WDR90: variants seen among roughly 807,000 people sequenced by gnomAD.
WDR90 encodes the protein WD repeat-containing protein 90.
WDR90 carries 238 observed loss-of-function variants against 195.2 expected under a neutral mutation model. The ratio of observed to expected loss-of-function variants is 1.22; its 90% CI spans 1.10 to 1.36. WDR90 has a LOEUF of 1.36. Ranked by LOEUF, WDR90 falls within the 40% of genes most tolerant of loss-of-function variation. The pLI is 0.00. For synonymous variants in WDR90, 1,265 were observed against 1,052.4 expected (o/e 1.20, Z -3.91); for missense variants, 2,734 against 2,439.5 (o/e 1.12, Z -2.54).
chr16:665,910 C>G lies in WDR90; in HGVS notation c.4435-40C>G, dbSNP rs984163269. 7.7e-6 allele frequency: 12 copies of G among 1,563,304 alleles called. No individual in the cohort carries two copies. The African/African-American group carries it at 1.2e-4, about 16-fold the overall frequency. ...CTGGCCTGGGTGTGTGTCCTCAGGGCCCCTGTGAGTGCTGAAGTTTCCCCA... is the reference window on the plus strand; with the variant it reads ...CTGGCCTGGGTGTGTGTCCTCAGGGGCCCTGTGAGTGCTGAAGTTTCCCCA... On this transcript the variant is annotated intron_variant, in intron 35 of 40. Coordinates refer to ENST00000293879, the MANE Select transcript of WDR90 (RefSeq NM_145294.5).
At position 662,016 on chromosome 16, in the gene WDR90, CG is replaced by C. The variant is rs753139194; in HGVS notation, c.3992del (p.Gly1331AlafsTer44). On this transcript the variant is annotated frameshift_variant, in exon 32 of 41. Transcript: ENST00000293879. LOFTEE classifies it high-confidence loss of function. Reference sequence around the variant, plus strand: ...AGGTCTGTGTCTGGGACACGCGTGCCGGCCGCTGCTTCTTGTCCTGGGAGGC... The same window carrying C: ...AGGTCTGTGTCTGGGACACGCGTGCCGCCGCTGCTTCTTGTCCTGGGAGGC... ...GQVCVWDTRA[G>X]RCFLSWEADD... is the part of the protein sequence containing the mutation. The C allele has an allele frequency of 6.2e-7, 1 of 1,603,314 alleles. No homozygotes were observed. The highest frequency in any genetic ancestry group is 2.2e-5 in the East Asian group (1 of 44,900).
rs2037604006 is a variant in WDR90, at chr16:649,850, T to TCA, written c.100_101dup (p.Asp35ArgfsTer5). 1 of 1,580,388 alleles carries TCA rather than the reference T, an allele frequency of 6.3e-7. No individual in the cohort carries two copies. The highest frequency in any genetic ancestry group is 1.1e-5 in the South Asian group (1 of 87,920). On this transcript the variant is annotated frameshift_variant, in exon 2 of 41. Transcript: ENST00000293879. LOFTEE classifies it high-confidence loss of function. ...GCCAAGCAGGGGGACGTGGCCGTGG[T>TCA]CACGGTAGGCGGCCGGGGGCTCGCC...
chr16:662,447 A>T, intron 33 of WDR90, 116 bp downstream of exon 33: 4 of 1,332,592 alleles, frequency 3.0e-6, no homozygotes, highest in Non-Finnish European at 3.1e-6. Flanking sequence ...GCCGCCTGCT[A>T]GCCCCTCCAA....
intron 34 of WDR90, 110 bp from the exon 35 acceptor site, chr16:665,569 A>G (rs774337712): frequency 1.3e-6 from 2 of 1,560,080 alleles, no homozygotes; most frequent in Non-Finnish European, 1.8e-6. Flanking sequence ...GGCCAGAGGC[A>G]CATGCTCTGG....
chr16:652,603 G>A, intron 10 of WDR90, 68 bp downstream of exon 10: 1 of 1,473,438 alleles, frequency 6.8e-7, no homozygotes. Flanking sequence ...TACAGAACGG[G>A]GAGAGAGGAG....
chr16:666,038 G>C lies in WDR90; in HGVS notation c.4523G>C (p.Arg1508Pro), dbSNP rs373385178. Reference sequence around the variant, plus strand: ...GCTGGCTACGGTGACGGCTCCCTGCGCATCTTCAGCGTCTCCCGCACGGCC... The same window carrying C: ...GCTGGCTACGGTGACGGCTCCCTGCCCATCTTCAGCGTCTCCCGCACGGCC... ...LAAGYGDGSLRIFSVSRTAME... is the reference protein window; with the variant it reads ...LAAGYGDGSLPIFSVSRTAME... Residue 1508 changes from arginine to proline, a missense_variant, in exon 36 of 41, where the codon CGC becomes CCC. By Grantham distance (103) the Arg-to-Pro change is moderately radical. Transcript: ENST00000293879. 6.2e-7 allele frequency: 1 copy of C among 1,605,348 alleles called. No individual in the cohort carries two copies. The highest frequency in any genetic ancestry group is 1.1e-5 in the South Asian group (1 of 91,072).
At chr16:655,963 C>T in intron 17 of WDR90, 74 bp downstream of exon 17, 1 of 1,486,056 alleles carries the variant, frequency 6.7e-7, no homozygotes, top group Non-Finnish European at 9.1e-7. Context: ...GGCCCAGTCC[C>T]CGGGGCTCTG....
chr16:660,811 C>T (rs994890705), intron 28 of WDR90, 97 bp downstream of exon 28: 20 of 1,323,420 alleles, frequency 1.5e-5, no homozygotes, highest in South Asian at 1.1e-4. Context: ...GGCAAATGAG[C>T]GCCAGCCATC....
rs763209908 is a variant in WDR90 at position 658,965 on chromosome 16, G to A, written c.2965G>A (p.Ala989Thr). ...FSPDQQQVLSAGDAVFLWDVL... is the reference protein window; with the variant it reads ...FSPDQQQVLSTGDAVFLWDVL... ...TCCTGACCAGCAGCAGGTCCTCAGC[G>A]CAGGGGACGCCGTCTTCCTCTGGGA... Residue 989 changes from alanine to threonine, a missense_variant, in exon 24 of 41, where the codon GCA becomes ACA. Physicochemically the swap from Ala to Thr is moderately conservative, Grantham distance 58 (BLOSUM62 0). Coordinates refer to ENST00000293879, the MANE Select transcript of WDR90 (RefSeq NM_145294.5). 9.3e-6 allele frequency: 15 copies of A among 1,612,668 alleles called. No homozygotes were observed. The highest frequency in any genetic ancestry group is 2.2e-5 in the East Asian group (1 of 44,870).
In WDR90 at chr16:661,686, G is replaced by A. The variant is rs2037918496; in HGVS notation, c.3763G>A (p.Val1255Met). Residue 1255 changes from valine (V) to methionine (M), a missense_variant, in exon 31 of 41, where the codon GTG becomes ATG. Physicochemically the swap from Val to Met is conservative, Grantham distance 21 (BLOSUM62 1). Coordinates refer to ENST00000293879, the MANE Select transcript of WDR90 (RefSeq NM_145294.5). ...CCGCCTCCCGGAGCCGGTGCATGGT[G>A]TGGCCTTCAACCCCTGGGACGCCGG... is the stretch of plus-strand genomic sequence containing the variant. ...STRLPEPVHG[V>M]AFNPWDAGEL... 3 of 1,612,398 alleles carry A rather than the reference G, an allele frequency of 1.9e-6. No homozygotes were observed. Among genetic ancestry groups the A allele is most frequent in the Admixed American group, 1.7e-5 (1 of 59,988 alleles).
rs754210072 is a variant in WDR90, at chr16:662,017, G to A, written c.3991G>A (p.Gly1331Ser). ...GQVCVWDTRA[G>S]RCFLSWEADD... Reference sequence around the variant, plus strand: ...GGTCTGTGTCTGGGACACGCGTGCCGGCCGCTGCTTCTTGTCCTGGGAGGC... The same window carrying A: ...GGTCTGTGTCTGGGACACGCGTGCCAGCCGCTGCTTCTTGTCCTGGGAGGC... The change falls in exon 32 of 41, where the codon GGC becomes AGC. Residue 1331 changes from glycine (G) to serine (S), a missense_variant. By Grantham distance (56) the Gly-to-Ser change is moderately conservative. Transcript: ENST00000293879. 2.2e-5 allele frequency: 36 copies of A among 1,603,222 alleles called. No individual in the cohort carries two copies. The highest frequency in any genetic ancestry group is 1.3e-4 in the Admixed American group (8 of 59,984).
intron 26 of WDR90, among the ~76,000 whole-genome samples, chr16:659,626 C>T (rs1425983208): frequency 2.0e-5 from 3 of 152,078 alleles, no homozygotes; most frequent in East Asian, 1.9e-4. Context: ...ACCTTGTCCC[C>T]GTCAGATGAG....
rs1364779351 is a variant in WDR90 at position 651,860 on chromosome 16, C to G, written c.874C>G (p.Pro292Ala). 1 of 1,610,412 alleles carries G rather than the reference C, an allele frequency of 6.2e-7. No individual in the cohort carries two copies. The change falls in exon 9 of 41, where the codon CCG (proline) becomes GCG (alanine). Residue 292 changes from proline (P) to alanine (A), a missense_variant. Transcript: ENST00000293879. ...GRAALAPRPF[P>A]EVSLSQERSD... ...GGCCGCCTTGGCACCCAGGCCCTTC[C>G]CGGAGGTCAGCCTGTCCCAAGAGCG...
In WDR90 at chr16:657,295, T is replaced by A. The variant is rs6600229; in HGVS notation, c.2473+74T>A. ...CCTGGATCTGGTGCAGGCCCACACC[T>A]GGACACACATGCCGGTTTCCTGGTG... On this transcript the variant is annotated intron_variant, in intron 20 of 40. Coordinates refer to ENST00000293879, the MANE Select transcript of WDR90 (RefSeq NM_145294.5). 169 of 1,453,566 alleles carry A rather than the reference T, an allele frequency of 1.2e-4. 1 individual carries two copies. In the East Asian group the frequency reaches 2.1e-3, roughly 18 times the overall value. 90.0% of individuals were successfully genotyped at this position (1,453,566 alleles called of 1,614,324 possible).
At chr16:654,997 T>C in intron 13 of WDR90, 32 bp from the exon 14 acceptor site, 4 of 1,601,142 alleles carry the variant, frequency 2.5e-6, no homozygotes, top group Non-Finnish European at 2.6e-6. Context: ...CGACTGGCCC[T>C]GCCGTGCGGG....
chr16:657,038 AT>A (rs2037770894), intron 19 of WDR90, 52 bp from the exon 20 acceptor site: 2 of 1,586,054 alleles, frequency 1.3e-6, no homozygotes, highest in African/African-American at 2.7e-5. Context: ...GAGGGAACCC[AT>A]GGTACCTGGG....
chr16:666,469 G>C lies in WDR90; in HGVS notation c.4755G>C (p.Gly1585=). 1 of 1,612,378 alleles carries C rather than the reference G, an allele frequency of 6.2e-7. No homozygotes were observed. The highest frequency in any genetic ancestry group is 8.5e-7 in the Non-Finnish European group (1 of 1,179,758). Residue 1585 remains glycine (G), a synonymous_variant, in exon 38 of 41, where the codon GGG becomes GGC. Coordinates refer to ENST00000293879, the MANE Select transcript of WDR90 (RefSeq NM_145294.5). ...CVTCKECEDL[G]VEGTDLWLAA... is the part of the protein sequence containing the mutation. ...TCCATTCCCAGTGTGAAGACTTAGG[G>C]GTGGAGGGCACAGACCTATGGCTGG...
At chr16:660,287 C>T in intron 27 of WDR90, 126 bp downstream of exon 27, 1 of 910,736 alleles carries the variant, frequency 1.1e-6, no homozygotes, top group Non-Finnish European at 1.6e-6. Context: ...CCTTGGGCGC[C>T]TGTCCCCTGG....
chr16:658,543 G>A lies in WDR90; in HGVS notation c.2785G>A (p.Glu929Lys). 6.2e-7 allele frequency: 1 copy of A among 1,612,360 alleles called. No homozygotes were observed. The highest frequency in any genetic ancestry group is 2.2e-5 in the East Asian group (1 of 44,862). The stretch of plus-strand genomic sequence containing the variant: ...GTTCCAGCTGCCCGGTGTCCACCCT[G>A]AGCCCTGCCCCTCCTTGACGCTCAG... ...IIRELPGVHP[E>K]PCPSLTLSED... The change falls in exon 23 of 41, where the codon GAG becomes AAG. Residue 929 changes from glutamate to lysine, a missense_variant. Coordinates refer to ENST00000293879, the MANE Select transcript of WDR90 (RefSeq NM_145294.5).
Sources: gnomAD v4.1 joint callset for allele counts (sites outside exome capture counted in the v4.1 genomes callset) on GRCh38, gnomAD v4.1.1 for gene constraint, MANE v1.5 for transcripts, NCBI Gene and HGNC (gene_info 2026-07-23, HGNC 2026-07-21) for gene names.